Variants in PRG4 observed in about 807,000 individuals in gnomAD.
PRG4 encodes the protein articular superficial zone protein.
Under a neutral mutation model 91.2 loss-of-function variants are expected in PRG4, and 61 were observed. The observed-to-expected ratio is 0.67, with a 90% CI of 0.54 to 0.83. PRG4 has a LOEUF of 0.83. PRG4 is among the 40% of genes least tolerant of loss of function. The pLI, the probability that PRG4 is intolerant of heterozygous loss-of-function variation, is 0.00. For synonymous variants in PRG4, 576 were observed against 614.2 expected (o/e 0.94, Z 0.92); for missense variants, 1,564 against 1,714.2 (o/e 0.91, Z 1.55).
chr1:186,313,073 C>A (rs1657404152), intron 12 of PRG4, 179 bp downstream of exon 12: 2 of 650,536 alleles, frequency 3.1e-6, no homozygotes, highest in African/African-American at 3.6e-5. Flanking sequence ...AATGATGGCA[C>A]TGCAATTCAA....
At position 186,311,531 on chromosome 1, in the gene PRG4, T is replaced by C. The variant is rs750923984; in HGVS notation, c.3728T>C (p.Ile1243Thr). The C allele has an allele frequency of 8.7e-6, 14 of 1,614,064 alleles. No homozygotes were observed. Among genetic ancestry groups the C allele is most frequent in the East Asian group, 6.7e-5 (3 of 44,856 alleles). ...GGATTTGGAGGACTAACTGGACAAA[T>C]AGTGGCAGCGCTTTCAACAGCTAAA... The part of the protein sequence containing the change: ...FKGFGGLTGQ[I>T]VAALSTAKYK... The change falls in exon 10 of 13, where the codon ATA becomes ACA. Residue 1243 changes from isoleucine to threonine, a missense_variant. This residue lies in a region of PRG4 where 1,079 missense variants were observed against 1,162.2 expected (regional missense o/e 0.93). Coordinates refer to ENST00000445192, the MANE Select transcript of PRG4 (RefSeq NM_005807.6).
At chr1:186,302,485 T>C (rs142464466) in intron 4 of PRG4, among the ~76,000 whole-genome samples, 22 of 152,358 alleles carry the variant, frequency 1.4e-4, no homozygotes, top group Admixed American at 1.1e-3. Context: ...ACAAGAATAT[T>C]TGTGGAGGTA....
In PRG4 at chr1:186,296,870, A is replaced by ACAACGATGG; in HGVS notation, c.-3_6dup. 1 of 1,613,570 alleles carries ACAACGATGG rather than the reference A, an allele frequency of 6.2e-7. No individual in the cohort carries two copies. The highest frequency in any genetic ancestry group is 2.2e-5 in the East Asian group (1 of 44,840). On this transcript the variant is annotated 5_prime_UTR_variant, in exon 2 of 13. In the 5' UTR this introduces an upstream ATG that the reference lacks. Coordinates refer to ENST00000445192, the MANE Select transcript of PRG4 (RefSeq NM_005807.6). ...GCAAGGGTACCTACGGTACCTGAAA[A>ACAACGATGG]CAACGATGGCATGGAAAACACTTCC...
chr1:186,297,024 G>A (rs974239144), intron 2 of PRG4, 73 bp downstream of exon 2: 187 of 1,308,814 alleles, frequency 1.4e-4, no homozygotes, highest in Non-Finnish European at 2.0e-4. Flanking sequence ...TTATAACAAC[G>A]GAAATATATT....
intron 6 of PRG4, 117 bp from the exon 7 acceptor site, chr1:186,306,199 TAG>T (rs1367357952): frequency 1.2e-6 from 1 of 801,636 alleles, no homozygotes; most frequent in Non-Finnish European, 1.9e-6. Flanking sequence ...AAGGACATAG[TAG>T]AGATTAGCAA....
At chr1:186,304,707 A>G (rs1656434136) in intron 5 of PRG4, 87 bp from the exon 6 acceptor site, 2 of 1,489,594 alleles carry the variant, frequency 1.3e-6, no homozygotes, top group African/African-American at 2.8e-5. Context: ...AGACTAGTAA[A>G]TAGCACTTCT....
rs1032738243 is a variant in PRG4 at position 186,312,076 on chromosome 1, C to T, written c.3794-99C>T. On this transcript the variant is annotated intron_variant, in intron 10 of 12. Transcript: ENST00000445192. ...CAATATATTATATGAAAAATGAGAA[C>T]AAAACTGTTTCCTATACATTGTAAA... 3.5e-5 allele frequency: 34 copies of T among 976,910 alleles called. No homozygotes were observed. The Admixed American group carries it at 6.7e-4, about 19-fold the overall frequency. The allele number at this position is 976,910 out of a possible 1,614,324, so 60.5% of individuals were successfully genotyped here. A position where few individuals can be genotyped will look rare whatever the true frequency, so the allele number is the denominator to read the frequency against.
intron 8 of PRG4, among the ~76,000 whole-genome samples, chr1:186,310,135 T>G (rs552969569): frequency 0.025 from 2,146 of 86,262 alleles, 51 homozygotes; most frequent in East Asian, 0.12. Context: ...TCATTTTTTT[T>G]GGGGGGGGGG....
chr1:186,311,465 A>G lies in PRG4; in HGVS notation c.3662A>G (p.Asn1221Ser), dbSNP rs1340964319. ...GATTCTCAGTACTGGCGTTTTACCA[A>G]TGATATAAAAGATGCAGGGTACCCC... ...FKDSQYWRFT[N>S]DIKDAGYPKP... The change falls in exon 10 of 13, where the codon AAT becomes AGT. Residue 1221 changes from asparagine (N) to serine (S), a missense_variant. By Grantham distance (46) the Asn-to-Ser change is conservative. Coordinates refer to ENST00000445192, the MANE Select transcript of PRG4 (RefSeq NM_005807.6). The G allele has an allele frequency of 3.1e-6, 5 of 1,613,560 alleles. No homozygotes were observed. The highest frequency in any genetic ancestry group is 2.7e-5 in the African/African-American group (2 of 74,926).
At chr1:186,312,563 G>A in intron 11 of PRG4, 191 bp downstream of exon 11, 1 of 804,270 alleles carries the variant, frequency 1.2e-6, no homozygotes, top group Non-Finnish European at 1.9e-6. Context: ...TTGTGGGTAA[G>A]TAAAGCAGTT....
At chr1:186,310,783 G>A (rs1425827831) in intron 8 of PRG4, among the ~76,000 whole-genome samples, 1 of 151,460 alleles carries the variant, frequency 6.6e-6, no homozygotes, top group Non-Finnish European at 1.5e-5. Flanking sequence ...TTACAGGTGT[G>A]AGCCACTGCA....
In PRG4 at chr1:186,304,856, A is replaced by G; in HGVS notation, c.532A>G (p.Thr178Ala). ...SSSSSSSSSS[T>A]IRKIKSSKNS... ...CTCCTCCTCTTCCTCTTCTTCTTCA[A>G]CAATTCGGAAAATCAAGTCTTCCAA... Residue 178 changes from threonine (T) to alanine (A), a missense_variant, in exon 6 of 13, where the codon ACA (threonine) becomes GCA (alanine). Physicochemically the swap from Thr to Ala is moderately conservative, Grantham distance 58. Coordinates refer to ENST00000445192, the MANE Select transcript of PRG4 (RefSeq NM_005807.6). 1 of 1,612,474 alleles carries G rather than the reference A, an allele frequency of 6.2e-7. No individual in the cohort carries two copies.
rs1557958475 is a variant in PRG4 at position 186,308,804 on chromosome 1, A to G, written c.3085A>G (p.Lys1029Glu). The change falls in exon 7 of 13, where the codon AAA becomes GAA. Residue 1029 changes from lysine to glutamate, a missense_variant. Around this residue, in one of 3 missense-constraint regions of PRG4, gnomAD observed 1,079 missense variants for 1,162.2 expected, o/e 0.93. Transcript: ENST00000445192. ...PKPQKPTKAP[K>E]KPTSTKKPKT... ...ACCTCAAAAGCCAACCAAAGCACCC[A>G]AAAAACCCACTTCTACCAAAAAGCC... 6.2e-7 allele frequency: 1 copy of G among 1,613,918 alleles called. No homozygotes were observed. Among genetic ancestry groups the G allele is most frequent in the South Asian group, 1.1e-5 (1 of 91,078 alleles).
Position 186,314,008 on chromosome 1 carries a change from C to T in PRG4, c.*230C>T. ...TCCTCTGTTTATTCCTCCTCTCCCT[C>T]CCATTGCATGGCTCACACCTGTAAA... On this transcript the variant is annotated 3_prime_UTR_variant, in exon 13 of 13. Coordinates refer to ENST00000445192, the MANE Select transcript of PRG4 (RefSeq NM_005807.6). The T allele has an allele frequency of 1.2e-6, 2 of 1,611,634 alleles. No individual in the cohort carries two copies. Among genetic ancestry groups the T allele is most frequent in the Non-Finnish European group, 1.7e-6 (2 of 1,179,334 alleles).
Position 186,309,079 on chromosome 1 carries a change from C to G in PRG4, c.3360C>G (p.Pro1120=), listed in dbSNP as rs376627984. The G allele has an allele frequency of 2.5e-5, 40 of 1,613,814 alleles. No individual in the cohort carries two copies. The African/African-American group carries it at 3.6e-4, about 15-fold the overall frequency. ...RPHVFMPEVT[P]DMDYLPRVPN... is the part of the protein sequence containing the mutation. ...ATGTGTTCATGCCTGAAGTTACTCC[C>G]GACATGGATTACTTACCGAGAGTAC... Residue 1120 remains proline (P), a synonymous_variant, in exon 7 of 13, where the codon CCC becomes CCG. Transcript: ENST00000445192.
At chr1:186,312,961 AAATGCTGGCTGC>A in intron 12 of PRG4, 67 bp downstream of exon 12, 1 of 1,503,390 alleles carries the variant, frequency 6.7e-7, no homozygotes, top group African/African-American at 1.4e-5. Context: ...GATAAAGTAA[AAATGCTGGCTGC>A]AATGATGACT....
At position 186,308,234 on chromosome 1, in the gene PRG4, C is replaced by A; in HGVS notation, c.2515C>A (p.Pro839Thr). Residue 839 changes from proline (P) to threonine (T), a missense_variant, in exon 7 of 13, where the codon CCC becomes ACC. Transcript: ENST00000445192. Reference protein sequence around the residue: ...TTPKEPAPTTPKKPAPTTPET... With the variant: ...TTPKEPAPTTTKKPAPTTPET... The stretch of plus-strand genomic sequence containing the variant: ...CCCCAAGGAGCCTGCACCCACTACC[C>A]CCAAGAAGCCTGCTCCAACTACTCC... 6.2e-7 allele frequency: 1 copy of A among 1,613,874 alleles called. No individual in the cohort carries two copies. The highest frequency in any genetic ancestry group is 8.5e-7 in the Non-Finnish European group (1 of 1,179,960).
In PRG4 at chr1:186,307,265, C is replaced by T. The variant is rs773776063; in HGVS notation, c.1546C>T (p.Pro516Ser). The change falls in exon 7 of 13, where the codon CCC (proline) becomes TCC (serine). Residue 516 changes from proline (P) to serine (S), a missense_variant. Pro to Ser is a moderately conservative substitution (Grantham distance 74, BLOSUM62 -1). Coordinates refer to ENST00000445192, the MANE Select transcript of PRG4 (RefSeq NM_005807.6). ...ACCCACCACCACCAAGGAGCCTTCA[C>T]CCACCACTCCCAAGGAGCCTGCACC... ...PAPTTTKEPS[P>S]TTPKEPAPTT... The T allele has an allele frequency of 4.4e-6, 7 of 1,595,240 alleles. No individual in the cohort carries two copies. The highest frequency in any genetic ancestry group is 6.0e-6 in the Non-Finnish European group (7 of 1,174,032).
In PRG4 at chr1:186,309,812, T is replaced by C. The variant is rs1475948088; in HGVS notation, c.3441T>C (p.Asn1147=). The change falls in exon 8 of 13, where the codon AAT becomes AAC. Residue 1147 remains asparagine (N), a synonymous_variant. Coordinates refer to ENST00000445192, the MANE Select transcript of PRG4 (RefSeq NM_005807.6). ...GTTTAGATGAGACCAATATATGCAATGGTAAGCCAGTAGATGGACTGACTA... is the reference window on the plus strand; with the variant it reads ...GTTTAGATGAGACCAATATATGCAACGGTAAGCCAGTAGATGGACTGACTA... The part of the protein sequence containing the change: ...PMLSDETNIC[N]GKPVDGLTTL... 1 of 1,613,520 alleles carries C rather than the reference T, an allele frequency of 6.2e-7. No individual in the cohort carries two copies. Among genetic ancestry groups the C allele is most frequent in the South Asian group, 1.1e-5 (1 of 91,082 alleles).
Sources: allele counts gnomAD v4.1 joint callset (sites outside exome capture counted in the v4.1 genomes callset), GRCh38; gene constraint gnomAD v4.1.1; regional missense constraint gnomAD v4.1.1; transcripts MANE v1.5; gene names NCBI Gene and HGNC (gene_info 2026-07-23, HGNC 2026-07-21).